AMZ2: variants seen among roughly 807,000 people sequenced by gnomAD.
AMZ2 encodes archaemetzincin-2.
A neutral mutation model predicts 36.7 loss-of-function variants in AMZ2; 26 were observed. The ratio of observed to expected loss-of-function variants is 0.71; its 90% confidence interval spans 0.52 to 0.98. The LOEUF is 0.98. AMZ2 is among the 50% of genes least tolerant of loss of function. The probability of loss-of-function intolerance (pLI) is 0.00; values close to 1 mark genes in which losing one functional copy is unlikely to be tolerated. For missense variants in AMZ2, 394 were observed against 430.5 expected, an observed-to-expected ratio of 0.92 and a Z score of 0.75; for synonymous variants, 144 against 149.1, an observed-to-expected ratio of 0.97 and a Z score of 0.25.
chr17:68,243,594 T>TTAA (rs1555734548), upstream of AMZ2, among the ~76,000 whole-genome samples: 2 of 152,254 alleles, frequency 1.3e-5, no homozygotes, highest in Admixed American at 6.5e-5. Context: ...GTGACTATCC[T>TTAA]TAACCATAAG....
chr17:68,222,414 C>T (rs555950281), intron 1 of AMZ2, among the ~76,000 whole-genome samples: 15 of 152,346 alleles, frequency 9.8e-5, no homozygotes, highest in African/African-American at 2.9e-4. Context: ...ACCTTTTTGG[C>T]ACCAGGGACT....
intron 1 of AMZ2, among the ~76,000 whole-genome samples, chr17:68,218,406 C>G (rs1389603571): frequency 6.6e-6 from 1 of 151,868 alleles, no homozygotes; most frequent in Admixed American, 6.6e-5. Flanking sequence ...CCAGGCTGGT[C>G]TCGAACTCCT....
Position 68,254,480 on chromosome 17 carries a change from C to T in AMZ2, c.663C>T (p.Leu221=). ...ACTATAAAGGCAAAGTGAAGAAGCT[C>T]AAGAAAACATCTTCAAGTGACTATT... ...SMHYKGKVKK[L]KKTSSSDYSI... The change falls in exon 5 of 7, where the codon CTC becomes CTT. Residue 221 remains leucine (L), a synonymous_variant. Transcript: ENST00000359904. 1 of 1,613,474 alleles carries T rather than the reference C, an allele frequency of 6.2e-7. No individual in the cohort carries two copies. Among genetic ancestry groups the T allele is most frequent in the Middle Eastern group, 1.7e-4 (1 of 5,776 alleles).
At chr17:68,221,948 C>T (rs1396150521) in intron 1 of AMZ2, among the ~76,000 whole-genome samples, 2 of 152,090 alleles carry the variant, frequency 1.3e-5, no homozygotes, top group Non-Finnish European at 2.9e-5. Context: ...TACAGTAATC[C>T]CAGTGAGGGT....
At chr17:68,217,117 C>T (rs8074606) in intron 1 of AMZ2, among the ~76,000 whole-genome samples, 21,806 of 151,530 alleles carry the variant, frequency 0.14, 1,700 homozygotes, top group East Asian at 0.26. Context: ...CAGAAAAGTT[C>T]TGTTTCCTGA....
chr17:68,222,266 G>T (rs142734332), intron 1 of AMZ2, among the ~76,000 whole-genome samples: 1 of 152,148 alleles, frequency 6.6e-6, no homozygotes, highest in Non-Finnish European at 1.5e-5. Context: ...GTCCCTCTGG[G>T]GTATCTAACT....
At chr17:68,254,353 T>C in intron 4 of AMZ2, 51 bp from the exon 5 acceptor site, 2 of 1,552,564 alleles carry the variant, frequency 1.3e-6, no homozygotes, top group South Asian at 1.2e-5. Context: ...TCTTTGGTCT[T>C]TCTTCAGGGA....
In AMZ2 at chr17:68,211,804, A is replaced by G. The variant is rs1292047076; in HGVS notation, c.-67+5566A>G. 3.9e-4 allele frequency among the ~76,000 whole-genome samples: 53 copies of G among 137,254 alleles called. 4 individuals carry two copies. The highest frequency in any genetic ancestry group is 3.6e-3 in the Middle Eastern group (1 of 274). The allele number at this position is 137,254 out of a possible 152,430, so 90.0% of individuals were successfully genotyped here. On this transcript the variant is annotated intron_variant, in intron 1 of 7. Transcript: ENST00000674770. ...TATATGTATATGTATATATGTGTAT[A>G]TGTATATATGTATGTGTATGTATAT...
chr17:68,214,138 T>A (rs2073136825), intron 1 of AMZ2, among the ~76,000 whole-genome samples: 1 of 152,102 alleles, frequency 6.6e-6, no homozygotes, highest in Non-Finnish European at 1.5e-5. Context: ...AATTCTTAAT[T>A]TTCTGCTTCT....
chr17:68,248,398 C>T lies in AMZ2; in HGVS notation c.-308C>T. ...TCTGCATGGACCAGAGCCCACAGTGCGAGTTGCTATAGGCAACCAGCCAGG... is the reference window on the plus strand; with the variant it reads ...TCTGCATGGACCAGAGCCCACAGTGTGAGTTGCTATAGGCAACCAGCCAGG... On this transcript the variant is annotated 5_prime_UTR_variant, in exon 1 of 7. Coordinates refer to ENST00000359904, the MANE Select transcript of AMZ2 (RefSeq NM_016627.5). The T allele has an allele frequency of 1.0e-6, 1 of 986,094 alleles. No homozygotes were observed. Among genetic ancestry groups the T allele is most frequent in the Non-Finnish European group, 1.2e-6 (1 of 830,112 alleles). 61.1% of individuals were successfully genotyped at this position (986,094 alleles called of 1,614,324 possible). A position where few individuals can be genotyped will look rare whatever the true frequency, so the allele number is the denominator to read the frequency against.
chr17:68,243,706 C>T (rs193255964), upstream of AMZ2, among the ~76,000 whole-genome samples: 31 of 152,226 alleles, frequency 2.0e-4, 1 homozygote, highest in South Asian at 8.3e-4. Flanking sequence ...GTTTATACAC[C>T]GTTCTGCCAG....
chr17:68,221,209 T>TG (rs148591849), intron 1 of AMZ2, among the ~76,000 whole-genome samples: 1 of 66,776 alleles, frequency 1.5e-5, no homozygotes, highest in Non-Finnish European at 2.7e-5. Flanking sequence ...AGCCCTCAGC[T>TG]CCCCCCCCCG....
intron 1 of AMZ2, among the ~76,000 whole-genome samples, chr17:68,221,745 A>G (rs1320056457): frequency 1.3e-5 from 2 of 151,814 alleles, no homozygotes; most frequent in East Asian, 1.9e-4. Context: ...AGAAAAAAAA[A>G]AATTAGCCGG....
At chr17:68,209,628 A>ATTTTTTTTTTTT (rs1322446681) in intron 1 of AMZ2, among the ~76,000 whole-genome samples, 47 of 98,480 alleles carry the variant, frequency 4.8e-4, no homozygotes, top group African/African-American at 2.3e-3. Context: ...ATATATATAT[A>ATTTTTTTTTTTT]TATATTTTTT....
At chr17:68,207,957 G>C (rs566078800) in intron 1 of AMZ2, among the ~76,000 whole-genome samples, 8 of 140,766 alleles carry the variant, frequency 5.7e-5, no homozygotes, top group East Asian at 4.3e-4. Context: ...TGGAGCAGCC[G>C]GCAGGCCCCG....
chr17:68,248,751 G>A, intron 1 of AMZ2, 46 bp downstream of exon 1: 5 of 994,594 alleles, frequency 5.0e-6, no homozygotes, highest in Non-Finnish European at 6.0e-6. Flanking sequence ...ATTTTGTCCT[G>A]TAGAAGTCAG....
At chr17:68,240,918 A>G (rs2073888309) in intron 1 of AMZ2, among the ~76,000 whole-genome samples, 2 of 152,242 alleles carry the variant, frequency 1.3e-5, no homozygotes, top group Non-Finnish European at 2.9e-5. Context: ...TCAGATGTCA[A>G]AGATCTCACA....
intron 5 of AMZ2, 62 bp from the exon 6 acceptor site, chr17:68,255,638 G>A (rs1374879986): frequency 6.6e-7 from 1 of 1,519,220 alleles, no homozygotes; most frequent in Admixed American, 2.0e-5. Flanking sequence ...GCAAGAAAAA[G>A]AAGAGACGTG....
At chr17:68,216,007 A>T (rs1185378157) in intron 1 of AMZ2, among the ~76,000 whole-genome samples, 5 of 152,246 alleles carry the variant, frequency 3.3e-5, no homozygotes, top group Non-Finnish European at 7.3e-5. Flanking sequence ...AGTTAGTAAC[A>T]GCCAAGAGCA....
Sources: gnomAD v4.1 joint callset for allele counts (sites outside exome capture counted in the v4.1 genomes callset) on GRCh38, gnomAD v4.1.1 for gene constraint, MANE v1.5 for transcripts, NCBI Gene and HGNC (gene_info 2026-07-23, HGNC 2026-07-21) for gene names.